The following CARMIL1 variants were observed in gnomAD, a reference collection of about 807,000 sequenced individuals.
CARMIL1 encodes capping protein regulator and myosin 1 linker 1, also known as F-actin-uncapping protein LRRC16A.
Under a neutral mutation model 177.1 loss-of-function variants are expected in CARMIL1, and 90 were observed. That is an observed-to-expected ratio of 0.51 (90% CI 0.43 to 0.61). The LOEUF is 0.61. Among genes scored for constraint, CARMIL1 ranks in the 20% least tolerant of loss-of-function variants. The pLI is 0.00. For synonymous variants in CARMIL1, 577 were observed against 606.2 expected (o/e 0.95, Z 0.71); for missense variants, 1,380 against 1,667.0 (o/e 0.83, Z 3.00).
intron 24 of CARMIL1, among the ~76,000 whole-genome samples, chr6:25,531,760 T>A (rs897270624): frequency 5.3e-5 from 8 of 152,244 alleles, no homozygotes; most frequent in African/African-American, 1.9e-4. Context: ...ACTGAAACTT[T>A]GTCTTGTGTT....
At chr6:25,459,238 CTT>C (rs1554200810) in intron 8 of CARMIL1, among the ~76,000 whole-genome samples, 1 of 94,998 alleles carries the variant, frequency 1.1e-5, no homozygotes, top group Non-Finnish European at 2.1e-5. Flanking sequence ...TTCTTTCTTT[CTT>C]TCTTTCTTTC....
chr6:25,480,960 TCCGCCCTCC>T (rs1190078630), intron 11 of CARMIL1, among the ~76,000 whole-genome samples: 2 of 152,044 alleles, frequency 1.3e-5, no homozygotes, highest in African/African-American at 2.4e-5. Context: ...GACCTTGTGA[TCCGCCCTCC>T]TCGGCCTCCC....
chr6:25,358,747 A>T (rs1194937109), intron 2 of CARMIL1, among the ~76,000 whole-genome samples: 1 of 152,222 alleles, frequency 6.6e-6, no homozygotes, highest in Admixed American at 6.5e-5. Context: ...AGTACTAAGT[A>T]GCAAGCAGTG....
intron 2 of CARMIL1, among the ~76,000 whole-genome samples, chr6:25,332,771 A>G (rs865998294): frequency 9.0e-3 from 785 of 87,110 alleles, no homozygotes; most frequent in Non-Finnish European, 0.013. Flanking sequence ...ACACACACAC[A>G]CGCGCACACA....
intron 2 of CARMIL1, among the ~76,000 whole-genome samples, chr6:25,317,065 G>A (rs764858632): frequency 5.3e-5 from 8 of 152,296 alleles, no homozygotes; most frequent in South Asian, 4.1e-4. Flanking sequence ...GGTACTGAGC[G>A]TGCTGTTTAT....
At chr6:25,510,687 A>G (rs1300066973) in intron 19 of CARMIL1, 21 bp from the exon 20 acceptor site, 6 of 1,533,216 alleles carry the variant, frequency 3.9e-6, no homozygotes, top group Non-Finnish European at 5.3e-6. Context: ...TCCACTGTCC[A>G]CATCTCTAAA....
At chr6:25,450,992 C>T (rs1440699287) in intron 8 of CARMIL1, among the ~76,000 whole-genome samples, 2 of 37,250 alleles carry the variant, frequency 5.4e-5, no homozygotes, top group Non-Finnish European at 1.3e-4. Context: ...CCCCTCCCCT[C>T]TCCCCTCTCC....
intron 8 of CARMIL1, among the ~76,000 whole-genome samples, chr6:25,463,700 AC>A (rs1446028778): frequency 6.6e-6 from 1 of 152,222 alleles, no homozygotes; most frequent in Non-Finnish European, 1.5e-5. Context: ...AGAAGCTACA[AC>A]CTGTAATTAG....
At chr6:25,433,095 G>T (rs972782054) in intron 4 of CARMIL1, 2 of 152,072 alleles carry the variant, frequency 1.3e-5, no homozygotes, top group African/African-American at 4.8e-5. Context: ...CTTTGTTGCA[G>T]TCTTTACATT....
At chr6:25,481,211 C>T (rs1290128025) in intron 11 of CARMIL1, among the ~76,000 whole-genome samples, 1 of 151,956 alleles carries the variant, frequency 6.6e-6, no homozygotes, top group Non-Finnish European at 1.5e-5. Flanking sequence ...CCGATAAAAA[C>T]CTGTTTAACA....
At chr6:25,530,731 C>T (rs76080451) in intron 24 of CARMIL1, among the ~76,000 whole-genome samples, 2,577 of 151,992 alleles carry the variant, frequency 0.017, 52 homozygotes, top group South Asian at 0.099. Context: ...CAGAAAAGTA[C>T]GCAATATGAG....
chr6:25,520,418 T>C, intron 23 of CARMIL1, 81 bp downstream of exon 23: 5 of 797,362 alleles, frequency 6.3e-6, no homozygotes, highest in East Asian at 2.7e-5. Context: ...AACAATACTT[T>C]GTTATTTTAC....
In CARMIL1 at chr6:25,289,513, C is replaced by G. The variant is rs141700180; in HGVS notation, c.138+4604C>G. Among the ~76,000 whole-genome samples the G allele has an allele frequency of 3.4e-3, 514 of 152,240 alleles. 4 individuals are homozygous for G. The highest frequency in any genetic ancestry group is 0.011 in the African/African-American group (471 of 41,540). ...GCAAAATTACAGTATAATGTCACAA[C>G]CAGGATACTGACATTGATTGACACT... is the stretch of plus-strand genomic sequence containing the variant. On this transcript the variant is annotated intron_variant, in intron 2 of 36. Coordinates refer to ENST00000329474, the MANE Select transcript of CARMIL1 (RefSeq NM_017640.6).
At position 25,441,300 on chromosome 6, in the gene CARMIL1, A is replaced by AAAAC. The variant is rs574600512; in HGVS notation, c.371+5714_371+5717dup. 3.9e-3 allele frequency among the ~76,000 whole-genome samples: 537 copies of AAAAC among 137,558 alleles called. 1 individual carries two copies. The highest frequency in any genetic ancestry group is 0.013 in the African/African-American group (463 of 34,530). 90.2% of individuals were successfully genotyped at this position (137,558 alleles called of 152,430 possible). ...GGGTGACAGAGTAAGACCACATCTC[A>AAAAC]AAACAAACAAACAAACAAACATATA... On this transcript the variant is annotated intron_variant, in intron 5 of 36. Coordinates refer to ENST00000329474, the MANE Select transcript of CARMIL1 (RefSeq NM_017640.6).
At chr6:25,363,391 C>T (rs1239308272) in intron 2 of CARMIL1, among the ~76,000 whole-genome samples, 5 of 114,844 alleles carry the variant, frequency 4.4e-5, no homozygotes, top group Non-Finnish European at 6.3e-5. Context: ...TTCTACACCA[C>T]GGAAGATTTT....
rs565622591 is a variant in CARMIL1, at chr6:25,299,170, CTT to C, written c.138+14278_138+14279del. Reference sequence around the variant, plus strand: ...GAAGGATTCCTGGGCATGCTGGATTCTTTTTTTTTTTTTTTTTTGGGAAAGAG... The same window carrying C: ...GAAGGATTCCTGGGCATGCTGGATTCTTTTTTTTTTTTTTTTGGGAAAGAG... On this transcript the variant is annotated intron_variant, in intron 2 of 36. Coordinates refer to ENST00000329474, the MANE Select transcript of CARMIL1 (RefSeq NM_017640.6). Among the ~76,000 whole-genome samples the C allele has an allele frequency of 1.9e-3, 225 of 117,982 alleles. 2 individuals are homozygous for C. The highest frequency in any genetic ancestry group is 9.2e-3 in the Admixed American group (108 of 11,800). 77.4% of individuals were successfully genotyped at this position (117,982 alleles called of 152,430 possible).
rs984771290 is a variant in CARMIL1, at chr6:25,510,559, A to G, written c.1530A>G (p.Ser510=). Residue 510 remains serine (S), a synonymous_variant, in exon 19 of 37, where the codon TCA becomes TCG. Coordinates refer to ENST00000329474, the MANE Select transcript of CARMIL1 (RefSeq NM_017640.6). ...TLIVWLSKNR[S]IQHLALGKNF... ...TAGTGTGGCTCAGTAAAAACAGATC[A>G]ATACAACACCTGGCGTTAGGCAAAA... is the stretch of plus-strand genomic sequence containing the variant. 7.1e-6 allele frequency: 11 copies of G among 1,558,392 alleles called. No individual in the cohort carries two copies. In the African/African-American group the frequency reaches 1.2e-4, roughly 17 times the overall value.
intron 12 of CARMIL1, among the ~76,000 whole-genome samples, chr6:25,487,523 A>G (rs1802785143): frequency 1.3e-5 from 2 of 152,250 alleles, no homozygotes; most frequent in Admixed American, 1.3e-4. Context: ...CCATATTTCT[A>G]AAATATATAA....
At chr6:25,375,696 T>G (rs2150457644) in intron 2 of CARMIL1, among the ~76,000 whole-genome samples, 1 of 152,324 alleles carries the variant, frequency 6.6e-6, no homozygotes, top group South Asian at 2.1e-4. Context: ...TAATTCTTCT[T>G]TATTTTTGTC....
Sources: gnomAD v4.1 joint callset for allele counts (sites outside exome capture counted in the v4.1 genomes callset) on GRCh38, gnomAD v4.1.1 for gene constraint, MANE v1.5 for transcripts, NCBI Gene and HGNC (gene_info 2026-07-23, HGNC 2026-07-21) for gene names.